Variants in GRIN2A observed in about 807,000 individuals in gnomAD.
GRIN2A encodes the protein glutamate receptor ionotropic, NMDA 2A.
A neutral mutation model predicts 113.4 loss-of-function variants in GRIN2A; 22 were observed. The observed-to-expected ratio is 0.19, with a 90% CI of 0.14 to 0.28. The LOEUF (loss-of-function observed/expected upper bound fraction) is 0.28. GRIN2A is among the 10% of genes least tolerant of loss of function. The pLI, the probability that GRIN2A is intolerant of heterozygous loss-of-function variation, is 1.00. For missense variants in GRIN2A, 1,502 were observed against 1,887.0 expected (o/e 0.80, Z 3.78); for synonymous variants, 827 against 738.4 (o/e 1.12, Z -1.94).
intron 2 of GRIN2A, among the ~76,000 whole-genome samples, chr16:9,957,789 C>T (rs2045340447): frequency 1.3e-5 from 2 of 152,128 alleles, no homozygotes; most frequent in South Asian, 4.1e-4. Context: ...CTCGCATTTC[C>T]TGGACCTCTT....
chr16:10,164,405 C>G (rs189603757), intron 2 of GRIN2A, among the ~76,000 whole-genome samples: 22 of 152,278 alleles, frequency 1.4e-4, no homozygotes, highest in African/African-American at 5.3e-4. Flanking sequence ...CCTGCCTCTG[C>G]TTTTTTAGAG....
At chr16:10,045,483 T>G (rs2047242555) in intron 2 of GRIN2A, among the ~76,000 whole-genome samples, 1 of 151,966 alleles carries the variant, frequency 6.6e-6, no homozygotes, top group Non-Finnish European at 1.5e-5. Flanking sequence ...TCTGGCTACG[T>G]GAGAGAGAGG....
chr16:9,896,109 G>A (rs1465290597), intron 3 of GRIN2A, among the ~76,000 whole-genome samples: 1 of 151,972 alleles, frequency 6.6e-6, no homozygotes. Context: ...GAGTGCAGTG[G>A]TGTAATCTCA....
intron 2 of GRIN2A, among the ~76,000 whole-genome samples, chr16:9,951,546 A>C (rs1453655085): frequency 2.6e-5 from 4 of 152,210 alleles, no homozygotes; most frequent in Admixed American, 1.3e-4. Context: ...TCCAAGACCC[A>C]CTTGCAGCTC....
intron 2 of GRIN2A, among the ~76,000 whole-genome samples, chr16:10,109,875 A>T (rs1285998041): frequency 1.3e-5 from 2 of 149,530 alleles, no homozygotes; most frequent in Non-Finnish European, 3.0e-5. Flanking sequence ...CCTACTATGT[A>T]CCCACAAAAA....
intron 2 of GRIN2A, among the ~76,000 whole-genome samples, chr16:10,128,641 T>C (rs1295274643): frequency 6.6e-6 from 1 of 152,164 alleles, no homozygotes; most frequent in Non-Finnish European, 1.5e-5. Flanking sequence ...GCTCCCCCTC[T>C]CTCCAACAGA....
chr16:10,112,662 C>G (rs369709403), intron 2 of GRIN2A: 6 of 763,250 alleles, frequency 7.9e-6, no homozygotes, highest in African/African-American at 1.7e-5. Context: ...CAGCCAGAAA[C>G]GATACTTCAG....
intron 5 of GRIN2A, among the ~76,000 whole-genome samples, chr16:9,845,771 C>G (rs2042762028): frequency 6.6e-6 from 1 of 152,198 alleles, no homozygotes; most frequent in Non-Finnish European, 1.5e-5. Flanking sequence ...TCTGTGTGAG[C>G]TAAAGTAACC....
At chr16:9,888,718 G>A (rs928409558) in intron 4 of GRIN2A, among the ~76,000 whole-genome samples, 2 of 151,724 alleles carry the variant, frequency 1.3e-5, no homozygotes, top group African/African-American at 4.8e-5. Context: ...CTCATGATAT[G>A]CGTATGTGCA....
At chr16:9,949,107 C>T (rs752844750) in intron 2 of GRIN2A, among the ~76,000 whole-genome samples, 1 of 152,220 alleles carries the variant, frequency 6.6e-6, no homozygotes, top group Non-Finnish European at 1.5e-5. Flanking sequence ...CCTCCACCTC[C>T]ACGGTGCTCC....
intron 2 of GRIN2A, among the ~76,000 whole-genome samples, chr16:10,006,528 G>A (rs943987830): frequency 1.3e-5 from 2 of 152,096 alleles, no homozygotes; most frequent in Admixed American, 6.5e-5. Context: ...ATATATTTAT[G>A]GAGTACATGA....
intron 2 of GRIN2A, among the ~76,000 whole-genome samples, chr16:10,013,343 C>T (rs1025205626): frequency 1.3e-5 from 2 of 152,186 alleles, no homozygotes; most frequent in East Asian, 1.9e-4. Context: ...AATGGCCATC[C>T]AGCCTTAAGC....
intron 4 of GRIN2A, among the ~76,000 whole-genome samples, chr16:9,887,748 A>G (rs1187918749): frequency 1.3e-5 from 2 of 152,206 alleles, no homozygotes; most frequent in South Asian, 2.1e-4. Flanking sequence ...TTATTAAAAA[A>G]CAAACAAAAA....
chr16:9,895,204 G>C (rs908582878), intron 3 of GRIN2A, among the ~76,000 whole-genome samples: 1 of 152,234 alleles, frequency 6.6e-6, no homozygotes, highest in African/African-American at 2.4e-5. Context: ...AAGAGAAGCA[G>C]TGGCTAATTC....
chr16:9,814,352 T>C (rs2042146535), intron 10 of GRIN2A, among the ~76,000 whole-genome samples: 1 of 152,172 alleles, frequency 6.6e-6, no homozygotes, highest in Non-Finnish European at 1.5e-5. Context: ...AGGTTAACAT[T>C]GTTGAGCTTC....
At chr16:9,813,521 C>CTTTTTT (rs71380937) in intron 10 of GRIN2A, among the ~76,000 whole-genome samples, 1 of 142,364 alleles carries the variant, frequency 7.0e-6, no homozygotes, top group Non-Finnish European at 1.5e-5. Context: ...TTTTTTTTGC[C>CTTTTTT]TTTTTTTTTT....
At chr16:9,859,423 A>G (rs1041218609) in intron 4 of GRIN2A, among the ~76,000 whole-genome samples, 12 of 152,232 alleles carry the variant, frequency 7.9e-5, no homozygotes, top group Admixed American at 7.2e-4. Context: ...CAATACCATC[A>G]GTACACCTAC....
chr16:10,026,129 A>G (rs1416093851), intron 2 of GRIN2A, among the ~76,000 whole-genome samples: 1 of 152,214 alleles, frequency 6.6e-6, no homozygotes, highest in Non-Finnish European at 1.5e-5. Flanking sequence ...GGACACAGAA[A>G]GGACTTCCAG....
chr16:9,972,110 C>A (rs888924585), intron 2 of GRIN2A, among the ~76,000 whole-genome samples: 1 of 152,178 alleles, frequency 6.6e-6, no homozygotes, highest in Non-Finnish European at 1.5e-5. Flanking sequence ...TATATGTAAA[C>A]TCTGCCCAAG....
Sources: gnomAD v4.1 joint callset for allele counts (sites outside exome capture counted in the v4.1 genomes callset) on GRCh38, gnomAD v4.1.1 for gene constraint, MANE v1.5 for transcripts, NCBI Gene and HGNC (gene_info 2026-07-23, HGNC 2026-07-21) for gene names.